The following PRMT8 variants were observed in gnomAD, a reference collection of about 807,000 sequenced individuals.
PRMT8 encodes the protein protein arginine N-methyltransferase 8.
PRMT8 carries 7 observed loss-of-function variants against 47.1 expected under a neutral mutation model. The observed-to-expected ratio is 0.15, with a 90% CI of 0.08 to 0.28. The LOEUF (loss-of-function observed/expected upper bound fraction) is 0.28, where lower values mean the gene tolerates loss of function less well. Ranked by LOEUF, PRMT8 falls within the 10% of genes least tolerant of loss-of-function variation. The pLI, the probability that PRMT8 is intolerant of heterozygous loss-of-function variation, is 1.00. For synonymous variants in PRMT8, 188 were observed against 186.5 expected (o/e 1.01, Z -0.07); for missense variants, 237 against 505.4 (o/e 0.47, Z 5.09).
chr12:3,516,894 A>G (rs1865800461), intron 1 of PRMT8, among the ~76,000 whole-genome samples: 1 of 152,052 alleles, frequency 6.6e-6, no homozygotes, highest in Non-Finnish European at 1.5e-5. Flanking sequence ...ACTTTTGTCC[A>G]TTCTTATCAG....
chr12:3,414,417 T>C (rs1245124715), intron 1 of PRMT8, among the ~76,000 whole-genome samples: 1 of 152,214 alleles, frequency 6.6e-6, no homozygotes, highest in East Asian at 1.9e-4. Context: ...TCCCTTGACC[T>C]TGACACTCTT....
At chr12:3,449,015 G>A (rs1462792829) in intron 1 of PRMT8, among the ~76,000 whole-genome samples, 1 of 152,146 alleles carries the variant, frequency 6.6e-6, no homozygotes, top group African/African-American at 2.4e-5. Flanking sequence ...GCATTAGTTT[G>A]CTGAGGATAA....
chr12:3,433,357 C>T (rs2137069601), intron 1 of PRMT8, among the ~76,000 whole-genome samples: 1 of 152,298 alleles, frequency 6.6e-6, no homozygotes, highest in Non-Finnish European at 1.5e-5. Context: ...ACAATGTCAG[C>T]TAGGGTTTTT....
At chr12:3,539,784 C>T (rs867991475) in intron 1 of PRMT8, among the ~76,000 whole-genome samples, 1 of 152,124 alleles carries the variant, frequency 6.6e-6, no homozygotes, top group Admixed American at 6.6e-5. Flanking sequence ...TTGGGGCACC[C>T]AGAAATAGCA....
At chr12:3,590,162 C>G (rs982119593) in intron 8 of PRMT8, among the ~76,000 whole-genome samples, 2 of 152,214 alleles carry the variant, frequency 1.3e-5, no homozygotes, top group Non-Finnish European at 2.9e-5. Context: ...TCCTCCTTCC[C>G]TTTCCAAATG....
chr12:3,586,204 G>A (rs1334634200), intron 8 of PRMT8, among the ~76,000 whole-genome samples: 1 of 152,130 alleles, frequency 6.6e-6, no homozygotes, highest in Non-Finnish European at 1.5e-5. Context: ...TGGGGTGTTA[G>A]GGATGACATT....
intron 4 of PRMT8, among the ~76,000 whole-genome samples, chr12:3,558,891 G>A (rs1866575141): frequency 6.6e-6 from 1 of 152,148 alleles, no homozygotes; most frequent in Non-Finnish European, 1.5e-5. Context: ...GATTTTCTGG[G>A]GGAGGTACTT....
chr12:3,544,049 G>T (rs1218286202), intron 2 of PRMT8, among the ~76,000 whole-genome samples: 1 of 152,180 alleles, frequency 6.6e-6, no homozygotes, highest in South Asian at 2.1e-4. Context: ...CTCGCTGCAG[G>T]TTCTGTTGAA....
Position 3,475,833 on chromosome 12 carries a change from G to T in PRMT8, c.49-64773G>T, listed in dbSNP as rs544057940. Among the ~76,000 whole-genome samples, 184 of 152,348 alleles carry T rather than the reference G, an allele frequency of 1.2e-3. 1 individual carries two copies. Among genetic ancestry groups the T allele is most frequent in the South Asian group, 2.7e-3 (13 of 4,828 alleles). The stretch of plus-strand genomic sequence containing the variant: ...CGGCCTGGTGTCCCAGAACACTCTT[G>T]TTTGTTATGCTCATTCTCTTCTACA... On this transcript the variant is annotated intron_variant, in intron 1 of 9. Coordinates refer to the PRMT8 transcript ENST00000452611.
At position 3,570,823 on chromosome 12, in the gene PRMT8, T is replaced by C. The variant is rs1866831531; in HGVS notation, c.712+1259T>C. On this transcript the variant is annotated intron_variant, in intron 6 of 9. Coordinates refer to ENST00000382622, the MANE Select transcript of PRMT8 (RefSeq NM_019854.5). The surrounding 1 kb of genome is among the most constrained non-coding windows in gnomAD (Gnocchi z 5.5). The stretch of plus-strand genomic sequence containing the variant: ...CTGTGCCCTGGAAACCGTCTCTGGT[T>C]GCTGTCTGCCTCCAGCCAATCTGGT... Among the ~76,000 whole-genome samples, 1 of 152,198 alleles carries C rather than the reference T, an allele frequency of 6.6e-6. No individual in the cohort carries two copies.
rs1565435467 is a variant in PRMT8 at position 3,540,613 on chromosome 12, G to GACCCCC, written c.83_84insACCCCC (p.Ser28delinsArgProPro). On this transcript the variant is annotated protein_altering_variant, in exon 2 of 10. Coordinates refer to ENST00000382622, the MANE Select transcript of PRMT8 (RefSeq NM_019854.5). ...CCCTTCTCTTCCCCTCAGGTGAACA[G>GACCCCC]CCCCCCCTCCCAGCCCCCCCAGCCC... 8.8e-7 allele frequency: 1 copy of GACCCCC among 1,130,522 alleles called. No homozygotes were observed. Among genetic ancestry groups the GACCCCC allele is most frequent in the Non-Finnish European group, 1.3e-6 (1 of 752,492 alleles). The allele number at this position is 1,130,522 out of a possible 1,614,324, so 70.0% of individuals were successfully genotyped here.
intron 1 of PRMT8, among the ~76,000 whole-genome samples, chr12:3,522,485 G>A (rs1865894028): frequency 6.6e-6 from 1 of 152,062 alleles, no homozygotes; most frequent in Non-Finnish European, 1.5e-5. Flanking sequence ...CCAAGATGGT[G>A]AAAACACATC....
intron 1 of PRMT8, among the ~76,000 whole-genome samples, chr12:3,531,049 A>G (rs2137153307): frequency 6.6e-6 from 1 of 152,332 alleles, no homozygotes; most frequent in East Asian, 1.9e-4. Flanking sequence ...AAGCGGGTAC[A>G]GGGAAAACTC....
Position 3,538,441 on chromosome 12 carries a change from G to A in PRMT8, c.76-2165G>A, listed in dbSNP as rs1251141460. On this transcript the variant is annotated intron_variant, in intron 1 of 9. Coordinates refer to ENST00000382622, the MANE Select transcript of PRMT8 (RefSeq NM_019854.5). The surrounding 1 kb of genome is among the most constrained non-coding windows in gnomAD (Gnocchi z 4.6). ...GGAATTAAAAGCAACACCCCATGTC[G>A]CTGAATGTTCAGGGATCACAGGCCA... 1 of 350,500 alleles carries A rather than the reference G, an allele frequency of 2.9e-6. No homozygotes were observed. The highest frequency in any genetic ancestry group is 5.6e-6 in the Non-Finnish European group (1 of 177,310). The allele number at this position is 350,500 out of a possible 1,614,324, so 21.7% of individuals were successfully genotyped here.
At chr12:3,428,229 A>G (rs1864627776) in intron 1 of PRMT8, among the ~76,000 whole-genome samples, 1 of 151,162 alleles carries the variant, frequency 6.6e-6, no homozygotes, top group Non-Finnish European at 1.5e-5. Flanking sequence ...AATGTTATTA[A>G]ATCATCTTTT....
At chr12:3,496,553 G>A (rs569196171) in intron 1 of PRMT8, among the ~76,000 whole-genome samples, 52 of 152,122 alleles carry the variant, frequency 3.4e-4, no homozygotes, top group African/African-American at 1.2e-3. Flanking sequence ...AGTAGGCTAT[G>A]GAGACAGACT....
intron 1 of PRMT8, among the ~76,000 whole-genome samples, chr12:3,445,097 A>G (rs1391014568): frequency 2.0e-5 from 3 of 152,270 alleles, no homozygotes; most frequent in Non-Finnish European, 4.4e-5. Context: ...AGCCTCTAGT[A>G]TGGAGACCGC....
chr12:3,431,689 C>G (rs1433698456), intron 1 of PRMT8, among the ~76,000 whole-genome samples: 1 of 152,126 alleles, frequency 6.6e-6, no homozygotes, highest in East Asian at 1.9e-4. Context: ...TGTTACATAT[C>G]AAAGGAGAAG....
chr12:3,515,721 C>T (rs1419446990), intron 1 of PRMT8, among the ~76,000 whole-genome samples: 1 of 152,204 alleles, frequency 6.6e-6, no homozygotes, highest in African/African-American at 2.4e-5. Flanking sequence ...ACGGTCTCTG[C>T]ACTCTGAGCC....
Sources: gnomAD v4.1 joint callset for allele counts (sites outside exome capture counted in the v4.1 genomes callset) on GRCh38, gnomAD v4.1.1 for gene constraint, Gnocchi (gnomAD v3.1) non-coding constraint, MANE v1.5 for transcripts, NCBI Gene and HGNC (gene_info 2026-07-23, HGNC 2026-07-21) for gene names.